The following GALNT7 variants were observed in gnomAD, a reference collection of about 807,000 sequenced individuals.
The protein encoded by GALNT7 is N-acetylgalactosaminyltransferase 7.
In GALNT7, 60 loss-of-function variants were observed where a neutral mutation model predicts 82.1. The ratio of observed to expected loss-of-function variants is 0.73; its 90% CI spans 0.59 to 0.91. The LOEUF (loss-of-function observed/expected upper bound fraction) is 0.91. Among genes scored for constraint, GALNT7 ranks in the 40% least tolerant of loss-of-function variants. GALNT7 has a pLI of 0.00. For synonymous variants in GALNT7, 243 were observed against 275.1 expected (o/e 0.88, Z 1.15); for missense variants, 660 against 804.2 (o/e 0.82, Z 2.17).
chr4:173,283,635 G>C (rs558928768), intron 2 of GALNT7, among the ~76,000 whole-genome samples: 88 of 92,850 alleles, frequency 9.5e-4, no homozygotes, highest in African/African-American at 3.1e-3. Context: ...AACTCTGTCT[G>C]AAAAAAAAAA....
intron 1 of GALNT7, among the ~76,000 whole-genome samples, chr4:173,182,946 ACT>A (rs1732306238): frequency 6.7e-6 from 1 of 149,832 alleles, no homozygotes. Flanking sequence ...ACACACACAC[ACT>A]CTGCTTTTTC....
At chr4:173,224,127 A>T (rs1419817893) in intron 1 of GALNT7, among the ~76,000 whole-genome samples, 5 of 152,208 alleles carry the variant, frequency 3.3e-5, no homozygotes, top group Non-Finnish European at 7.3e-5. Context: ...CTATTGTTCC[A>T]TCAGACTCTG....
At chr4:173,297,909 A>C (rs980050487) in intron 5 of GALNT7, 1 of 1,502,122 alleles carries the variant, frequency 6.7e-7, no homozygotes, top group Non-Finnish European at 8.8e-7. Context: ...ACTGGAGTTT[A>C]CTATGGAAAC....
intron 1 of GALNT7, among the ~76,000 whole-genome samples, chr4:173,198,746 C>CT (rs1314937262): frequency 9.9e-5 from 15 of 151,772 alleles, no homozygotes; most frequent in Admixed American, 9.8e-4. Context: ...CCACAGACAC[C>CT]TTCACAGGCT....
intron 1 of GALNT7, among the ~76,000 whole-genome samples, chr4:173,236,471 C>T (rs1020831069): frequency 2.0e-5 from 3 of 152,086 alleles, no homozygotes; most frequent in Non-Finnish European, 2.9e-5. Flanking sequence ...TTGCTCTATC[C>T]GAGTACTCAT....
chr4:173,234,355 A>G (rs1421034870), intron 1 of GALNT7, among the ~76,000 whole-genome samples: 1 of 152,130 alleles, frequency 6.6e-6, no homozygotes, highest in East Asian at 1.9e-4. Context: ...TCTCCAGTCC[A>G]GACCTCTTCA....
At chr4:173,208,172 T>C (rs552683740) in intron 1 of GALNT7, among the ~76,000 whole-genome samples, 8 of 152,206 alleles carry the variant, frequency 5.3e-5, no homozygotes, top group Non-Finnish European at 1.2e-4. Context: ...TTATTTGTGA[T>C]ATTTTAAAAT....
chr4:173,265,892 C>A (rs535523580), intron 2 of GALNT7, among the ~76,000 whole-genome samples: 1 of 152,142 alleles, frequency 6.6e-6, no homozygotes, highest in Non-Finnish European at 1.5e-5. Context: ...TTGGGAGTCA[C>A]ATGGTAGCTT....
intron 5 of GALNT7, among the ~76,000 whole-genome samples, chr4:173,296,197 T>C (rs1238920001): frequency 1.3e-5 from 2 of 152,234 alleles, no homozygotes. Flanking sequence ...TTTGATATTA[T>C]ACCTGTTGAT....
rs960486055 is a variant in GALNT7, at chr4:173,317,539, C to G, written c.1609-95C>G. The G allele has an allele frequency of 5.1e-6, 4 of 786,498 alleles. No individual in the cohort carries two copies. The Middle Eastern group carries it at 9.4e-4, about 184-fold the overall frequency. 48.7% of individuals were successfully genotyped at this position (786,498 alleles called of 1,614,324 possible). A position where few individuals can be genotyped will look rare whatever the true frequency, so the allele number is the denominator to read the frequency against. On this transcript the variant is annotated intron_variant, in intron 9 of 11. Coordinates refer to ENST00000265000, the MANE Select transcript of GALNT7 (RefSeq NM_017423.3). ...CACATACCCAGATTTTCCCTGTAAACTGTAATATTTAACATGAAATGTTAA... is the reference window on the plus strand; with the variant it reads ...CACATACCCAGATTTTCCCTGTAAAGTGTAATATTTAACATGAAATGTTAA...
At chr4:173,252,591 C>G (rs530817087) in intron 2 of GALNT7, among the ~76,000 whole-genome samples, 6 of 152,154 alleles carry the variant, frequency 3.9e-5, no homozygotes, top group African/African-American at 4.8e-5. Flanking sequence ...CTGTTGATTG[C>G]GTGTTAAAAG....
At chr4:173,267,044 G>T (rs760098626) in intron 2 of GALNT7, among the ~76,000 whole-genome samples, 8 of 152,004 alleles carry the variant, frequency 5.3e-5, no homozygotes, top group Non-Finnish European at 1.2e-4. Flanking sequence ...TAACAACAAT[G>T]TATTGTGTAT....
intron 1 of GALNT7, among the ~76,000 whole-genome samples, chr4:173,203,717 T>C (rs1206573148): frequency 6.6e-6 from 1 of 152,226 alleles, no homozygotes; most frequent in Non-Finnish European, 1.5e-5. Flanking sequence ...CAACTCAGAT[T>C]GCATTAAAAA....
chr4:173,215,977 A>G (rs1226141899), intron 1 of GALNT7, among the ~76,000 whole-genome samples: 1 of 152,116 alleles, frequency 6.6e-6, no homozygotes, highest in Admixed American at 6.5e-5. Context: ...TAAAGAAATC[A>G]GCCGGGCATG....
At chr4:173,290,188 A>G (rs1736484571) in intron 2 of GALNT7, among the ~76,000 whole-genome samples, 1 of 152,300 alleles carries the variant, frequency 6.6e-6, no homozygotes, top group East Asian at 1.9e-4. Flanking sequence ...TTATTGAAAC[A>G]TTATTATGAA....
At chr4:173,226,331 C>G (rs150964871) in intron 1 of GALNT7, among the ~76,000 whole-genome samples, 2 of 152,220 alleles carry the variant, frequency 1.3e-5, no homozygotes, top group South Asian at 4.1e-4. Flanking sequence ...CTTTTAACTC[C>G]GTGCCTTATA....
At chr4:173,243,579 T>C (rs943842649) in intron 1 of GALNT7, among the ~76,000 whole-genome samples, 2 of 152,298 alleles carry the variant, frequency 1.3e-5, no homozygotes, top group Non-Finnish European at 2.9e-5. Flanking sequence ...GGGAGTAAAG[T>C]ATTACACCAC....
At chr4:173,189,906 T>C (rs932184041) in intron 1 of GALNT7, among the ~76,000 whole-genome samples, 31 of 152,332 alleles carry the variant, frequency 2.0e-4, no homozygotes, top group African/African-American at 7.5e-4. Flanking sequence ...CTGTTGACTC[T>C]GTGTGAACTT....
At position 173,321,750 on chromosome 4, in the gene GALNT7, G is replaced by A. The variant is rs1350142596; in HGVS notation, c.*33G>A. 2 of 1,505,154 alleles carry A rather than the reference G, an allele frequency of 1.3e-6. No individual in the cohort carries two copies. The highest frequency in any genetic ancestry group is 2.3e-5 in the South Asian group (2 of 88,136). 93.2% of individuals were successfully genotyped at this position (1,505,154 alleles called of 1,614,324 possible). ...AAAATAAACCAATAACCTACCTACT[G>A]ACAAGTAAATTTATACAGGACTGAA... is the stretch of plus-strand genomic sequence containing the variant. On this transcript the variant is annotated 3_prime_UTR_variant, in exon 12 of 12. Coordinates refer to ENST00000265000, the MANE Select transcript of GALNT7 (RefSeq NM_017423.3).
Sources: allele counts gnomAD v4.1 joint callset (sites outside exome capture counted in the v4.1 genomes callset), GRCh38; gene constraint gnomAD v4.1.1; transcripts MANE v1.5; gene names NCBI Gene and HGNC (gene_info 2026-07-23, HGNC 2026-07-21).